The following CNTNAP5 variants were observed in gnomAD, a reference collection of about 807,000 sequenced individuals.
The protein encoded by CNTNAP5 is contactin-associated protein-like 5.
Under a neutral mutation model 150.2 loss-of-function variants are expected in CNTNAP5, and 72 were observed. The observed-to-expected ratio is 0.48, with a 90% CI of 0.40 to 0.58. The LOEUF is 0.58. CNTNAP5 is among the 20% of genes least tolerant of loss of function. CNTNAP5 has a pLI of 0.00. For synonymous variants in CNTNAP5, 672 were observed against 619.8 expected, an observed-to-expected ratio of 1.08 and a Z score of -1.25; for missense variants, 1,636 against 1,626.2, an observed-to-expected ratio of 1.01 and a Z score of -0.10.
At chr2:124,249,621 TC>T (rs1687122965) in intron 3 of CNTNAP5, among the ~76,000 whole-genome samples, 1 of 152,202 alleles carries the variant, frequency 6.6e-6, no homozygotes, top group African/African-American at 2.4e-5. Context: ...CCAATGTGTT[TC>T]TTAAATGTAT....
At chr2:124,449,384 C>A (rs1341887697) in intron 6 of CNTNAP5, among the ~76,000 whole-genome samples, 2 of 151,584 alleles carry the variant, frequency 1.3e-5, no homozygotes, top group Admixed American at 6.6e-5. Flanking sequence ...ACAAAACAAA[C>A]AAACAAAAAA....
chr2:124,703,108 T>TC (rs745763075), intron 13 of CNTNAP5, among the ~76,000 whole-genome samples: 48 of 148,082 alleles, frequency 3.2e-4, no homozygotes, highest in African/African-American at 1.1e-3. Flanking sequence ...CCTTCCTTCC[T>TC]TCCTCCCTCC....
chr2:124,723,399 T>C (rs1163467657), intron 13 of CNTNAP5, among the ~76,000 whole-genome samples: 1 of 152,200 alleles, frequency 6.6e-6, no homozygotes, highest in Non-Finnish European at 1.5e-5. Context: ...TTAACATTCA[T>C]TGTATTCCTA....
At chr2:124,733,942 T>C (rs1296614213) in intron 13 of CNTNAP5, among the ~76,000 whole-genome samples, 1 of 151,748 alleles carries the variant, frequency 6.6e-6, no homozygotes, top group East Asian at 1.9e-4. Context: ...TTGAATAGAG[T>C]ATTAAACTTC....
chr2:124,265,892 C>T lies in CNTNAP5; in HGVS notation c.381+23499C>T, dbSNP rs141769496. 1.1e-3 allele frequency among the ~76,000 whole-genome samples: 164 copies of T among 152,066 alleles called. 1 individual carries two copies. Among genetic ancestry groups the T allele is most frequent in the African/African-American group, 3.7e-3 (155 of 41,490 alleles). On this transcript the variant is annotated intron_variant, in intron 3 of 23. Coordinates refer to ENST00000682447, the MANE Select transcript of CNTNAP5 (RefSeq NM_001367498.1). ...GTCAGTGCAAAGTCAAACCTCCAAG[C>T]GGATAATTCAGTAGCCACAAGGGGA...
At chr2:124,265,919 A>G (rs1687594397) in intron 3 of CNTNAP5, among the ~76,000 whole-genome samples, 1 of 152,086 alleles carries the variant, frequency 6.6e-6, no homozygotes, top group African/African-American at 2.4e-5. Flanking sequence ...ACAAGGGGAC[A>G]AACTGCAAAG....
In CNTNAP5 at chr2:124,105,895, T is replaced by A. The variant is rs557952740; in HGVS notation, c.82+80163T>A. ...TTTTGAGAATTTTCAATGGATCATC[T>A]GAAAAATGTTTAATCTCACCTATTA... On this transcript the variant is annotated intron_variant, in intron 1 of 23. Transcript: ENST00000682447. Among the ~76,000 whole-genome samples, 12 of 152,326 alleles carry A rather than the reference T, an allele frequency of 7.9e-5. No individual in the cohort carries two copies. The South Asian group carries it at 1.7e-3, about 21-fold the overall frequency.
intron 3 of CNTNAP5, among the ~76,000 whole-genome samples, chr2:124,303,266 T>C (rs1688608244): frequency 6.6e-6 from 1 of 152,200 alleles, no homozygotes; most frequent in African/African-American, 2.4e-5. Flanking sequence ...AACAGGACAG[T>C]GTCTGTTTGG....
rs1678718422 is a variant in CNTNAP5 at position 124,914,330 on chromosome 2, A to T, written c.*42A>T. On this transcript the variant is annotated 3_prime_UTR_variant, in exon 24 of 24. Coordinates refer to ENST00000682447, the MANE Select transcript of CNTNAP5 (RefSeq NM_001367498.1). ...TACTACTCTTTTTTCTTGTTGTTCA[A>T]TTATCTCCTCCCCCTCTTCTCTCCT... 2.2e-6 allele frequency: 3 copies of T among 1,366,284 alleles called. No individual in the cohort carries two copies. Among genetic ancestry groups the T allele is most frequent in the Non-Finnish European group, 3.1e-6 (3 of 967,434 alleles). 84.6% of individuals were successfully genotyped at this position (1,366,284 alleles called of 1,614,324 possible).
intron 11 of CNTNAP5, among the ~76,000 whole-genome samples, chr2:124,586,893 C>G (rs986612227): frequency 1.1e-4 from 16 of 152,092 alleles, no homozygotes; most frequent in African/African-American, 3.1e-4. Context: ...TTAAATGTAC[C>G]TGGGTAAGAT....
In CNTNAP5 at chr2:124,763,726, A is replaced by T; in HGVS notation, c.2289A>T (p.Ile763=). The change falls in exon 15 of 24, where the codon ATA becomes ATT. Residue 763 remains isoleucine, a synonymous_variant. Coordinates refer to ENST00000682447, the MANE Select transcript of CNTNAP5 (RefSeq NM_001367498.1). ...SFKDHLPVTQ[I]VITDTDRSNS... ...AAGACCACTTGCCTGTCACTCAGAT[A>T]GTTATCACTGATACCGACAGATCAA... The T allele has an allele frequency of 6.2e-7, 1 of 1,613,012 alleles. No individual in the cohort carries two copies. The highest frequency in any genetic ancestry group is 1.3e-5 in the African/African-American group (1 of 75,006).
chr2:124,065,582 G>T (rs533375581), intron 1 of CNTNAP5, among the ~76,000 whole-genome samples: 1 of 152,084 alleles, frequency 6.6e-6, no homozygotes, highest in Non-Finnish European at 1.5e-5. Flanking sequence ...ATAATAATTC[G>T]TTAAACAGTT....
At chr2:124,540,114 G>A (rs1695343588) in intron 10 of CNTNAP5, among the ~76,000 whole-genome samples, 2 of 152,192 alleles carry the variant, frequency 1.3e-5, no homozygotes, top group Admixed American at 6.5e-5. Context: ...AAACTCGTGT[G>A]AGGTCTAGTA....
chr2:124,303,172 T>C (rs1688605693), intron 3 of CNTNAP5, among the ~76,000 whole-genome samples: 1 of 152,096 alleles, frequency 6.6e-6, no homozygotes, highest in Non-Finnish European at 1.5e-5. Flanking sequence ...ATTTTTTTCA[T>C]TTTTTCTAAG....
chr2:124,303,269 C>T (rs970259073), intron 3 of CNTNAP5, among the ~76,000 whole-genome samples: 15 of 152,170 alleles, frequency 9.9e-5, no homozygotes, highest in Non-Finnish European at 1.5e-5. Flanking sequence ...AGGACAGTGT[C>T]TGTTTGGACA....
At chr2:124,848,549 CTT>C (rs1312024001) in intron 19 of CNTNAP5, among the ~76,000 whole-genome samples, 4 of 152,078 alleles carry the variant, frequency 2.6e-5, no homozygotes, top group Non-Finnish European at 5.9e-5. Context: ...TAGTAGTTCT[CTT>C]TTTAATTTGT....
At chr2:124,243,296 C>T (rs1385695990) in intron 3 of CNTNAP5, among the ~76,000 whole-genome samples, 1 of 152,188 alleles carries the variant, frequency 6.6e-6, no homozygotes, top group East Asian at 1.9e-4. Context: ...AGATTCTGTC[C>T]TCTTAAATCA....
intron 2 of CNTNAP5, among the ~76,000 whole-genome samples, chr2:124,240,562 A>T (rs1313017870): frequency 6.6e-6 from 1 of 152,116 alleles, no homozygotes; most frequent in African/African-American, 2.4e-5. Flanking sequence ...CTGCCACTGT[A>T]TTCATAAAAA....
chr2:124,162,787 C>G lies in CNTNAP5; in HGVS notation c.83-58918C>G, dbSNP rs1433605029. Among the ~76,000 whole-genome samples, 3 of 152,228 alleles carry G rather than the reference C, an allele frequency of 2.0e-5. No homozygotes were observed. In the East Asian group the frequency reaches 5.8e-4, roughly 29 times the overall value. Reference sequence around the variant, plus strand: ...TCTATATGCCTATGTGAATCAATAACTATAATAATCATAATAATGGCAAGC... The same window carrying G: ...TCTATATGCCTATGTGAATCAATAAGTATAATAATCATAATAATGGCAAGC... On this transcript the variant is annotated intron_variant, in intron 1 of 23. Transcript: ENST00000682447.
Sources: gnomAD v4.1 joint callset for allele counts (sites outside exome capture counted in the v4.1 genomes callset) on GRCh38, gnomAD v4.1.1 for gene constraint, MANE v1.5 for transcripts, NCBI Gene and HGNC (gene_info 2026-07-23, HGNC 2026-07-21) for gene names.